Variants in ASTE1 observed in about 807,000 individuals in gnomAD.
ASTE1 encodes the protein asteroid structure-specific endonuclease 1, also known as single-strand DNA endonuclease ASTE1.
Under a neutral mutation model 45.8 loss-of-function variants are expected in ASTE1, and 49 were observed. That is an observed-to-expected ratio of 1.07 (90% CI 0.85 to 1.36). The LOEUF (loss-of-function observed/expected upper bound fraction) is 1.36, where lower values mean the gene tolerates loss of function less well. Among genes scored for constraint, ASTE1 ranks in the 40% most tolerant of loss-of-function variants. The pLI is 0.00. For missense variants in ASTE1, 709 were observed against 804.0 expected, an observed-to-expected ratio of 0.88 and a Z score of 1.43; for synonymous variants, 296 against 303.9, an observed-to-expected ratio of 0.97 and a Z score of 0.27.
rs766448689 is a variant in ASTE1, at chr3:131,024,074, AT to A, written c.1232del (p.Asn411IlefsTer10). 2 of 1,614,086 alleles carry A rather than the reference AT, an allele frequency of 1.2e-6. No individual in the cohort carries two copies. Among genetic ancestry groups the A allele is most frequent in the Non-Finnish European group, 1.7e-6 (2 of 1,179,898 alleles). On this transcript the variant is annotated frameshift_variant, in exon 3 of 6. Transcript: ENST00000264992. LOFTEE classifies it high-confidence loss of function. ...AFSEVERINKNIRTSIIDAVE... is the reference protein window; with the variant it reads ...AFSEVERINKXIRTSIIDAVE... ...CTGCATCAATGATTGAGGTTCTGATATTTTTATTAATCCTTTCCACTTCACT... is the reference window on the plus strand; with the variant it reads ...CTGCATCAATGATTGAGGTTCTGATATTTTATTAATCCTTTCCACTTCACT...
At chr3:131,021,555 C>T (rs976592769) in intron 3 of ASTE1, among the ~76,000 whole-genome samples, 1 of 152,154 alleles carries the variant, frequency 6.6e-6, no homozygotes, top group African/African-American at 2.4e-5. Context: ...TGGAACCAGA[C>T]ACTAGGAGAA....
At chr3:131,015,065 A>AT in intron 5 of ASTE1, 1 of 504,598 alleles carries the variant, frequency 2.0e-6, no homozygotes, top group Non-Finnish European at 3.5e-6. Flanking sequence ...TTAAATTATT[A>AT]AACGAAAGAA....
Position 131,014,084 on chromosome 3 carries a change from T to C in ASTE1, c.2013A>G (p.Glu671=), listed in dbSNP as rs1362061649. The C allele has an allele frequency of 6.3e-7, 1 of 1,598,064 alleles. No homozygotes were observed. The highest frequency in any genetic ancestry group is 8.5e-7 in the Non-Finnish European group (1 of 1,175,274). ...ATTCAATGTTGGAGGCCTCACTATG[T>C]TCCTCTAAGTTTTCAACCATTAACA... ...FGLLMVENLE[E]HSEASNIE The change falls in exon 6 of 6, where the codon GAA becomes GAG. Residue 671 remains glutamate, a synonymous_variant. Coordinates refer to ENST00000264992, the MANE Select transcript of ASTE1 (RefSeq NM_014065.4).
At position 131,016,366 on chromosome 3, in the gene ASTE1, G is replaced by A. The variant is rs772143118; in HGVS notation, c.1514-27C>T. The A allele has an allele frequency of 2.5e-6, 4 of 1,613,308 alleles. No individual in the cohort carries two copies. In the South Asian group the frequency reaches 3.3e-5, roughly 13 times the overall value. ...TAAATAAAGAAACAGCCCAAGGGCA[G>A]TATTTCTAAAAGCACTGTAACAGCT... On this transcript the variant is annotated intron_variant, in intron 4 of 5. Coordinates refer to ENST00000264992, the MANE Select transcript of ASTE1 (RefSeq NM_014065.4).
intron 4 of ASTE1, chr3:131,017,112 AG>A (rs2063658830): frequency 1.8e-6 from 2 of 1,133,462 alleles, no homozygotes; most frequent in African/African-American, 3.2e-5. Context: ...AAAACTTAAT[AG>A]GCTTGTGCTC....
chr3:131,018,387 G>GC (rs2063694598), intron 4 of ASTE1, 119 bp downstream of exon 4: 1 of 1,006,670 alleles, frequency 9.9e-7, no homozygotes, highest in African/African-American at 1.6e-5. Flanking sequence ...CCACATCTAA[G>GC]TTGTGATACA....
intron 5 of ASTE1, among the ~76,000 whole-genome samples, chr3:131,015,493 C>T (rs1426031246): frequency 6.6e-6 from 1 of 152,188 alleles, no homozygotes; most frequent in Non-Finnish European, 1.5e-5. Context: ...CACAGACAAA[C>T]ATTATAATTA....
At chr3:131,016,027 G>GT (rs749416372) in intron 5 of ASTE1, 117 bp downstream of exon 5, 1,129 of 1,221,494 alleles carry the variant, frequency 9.2e-4, no homozygotes, top group Admixed American at 1.2e-3. Flanking sequence ...ATTAAGATTA[G>GT]TTTTTTTTTG....
intron 3 of ASTE1, among the ~76,000 whole-genome samples, chr3:131,023,145 TA>T (rs1268238166): frequency 3.1e-4 from 47 of 152,318 alleles, no homozygotes; most frequent in Admixed American, 2.5e-3. Context: ...AGACCTGACT[TA>T]AATCCACTGG....
chr3:131,024,827 A>G lies in ASTE1; in HGVS notation c.480T>C (p.Asp160=). The G allele has an allele frequency of 6.2e-7, 1 of 1,614,220 alleles. No individual in the cohort carries two copies. Among genetic ancestry groups the G allele is most frequent in the East Asian group, 2.2e-5 (1 of 44,884 alleles). The stretch of plus-strand genomic sequence containing the variant: ...TCAGGTCAAAAATGCAAAAGTCACT[A>G]TCTGATGATAACACAGGGCAATTCC... ...NHWNCPVLSS[D]SDFCIFDLKT... Residue 160 remains aspartate, a synonymous_variant, in exon 3 of 6, where the codon GAT becomes GAC. Coordinates refer to ENST00000264992, the MANE Select transcript of ASTE1 (RefSeq NM_014065.4).
At chr3:131,018,832 T>G (rs2063705023) in intron 3 of ASTE1, 116 bp from the exon 4 acceptor site, 5 of 1,031,640 alleles carry the variant, frequency 4.8e-6, no homozygotes, top group Non-Finnish European at 5.6e-6. Context: ...GCTGTTAAAC[T>G]TATCTTCTTG....
In ASTE1 at chr3:131,025,026, T is replaced by A; in HGVS notation, c.281A>T (p.Asp94Val). 6.2e-7 allele frequency: 1 copy of A among 1,601,952 alleles called. No homozygotes were observed. The highest frequency in any genetic ancestry group is 8.5e-7 in the Non-Finnish European group (1 of 1,173,582). ...ISDKKLTTLK[D>V]RAREKIQMAH... ...CATCTGGATCTTCTCTCTAGCTCTA[T>A]CCTTTAAAGTTGTAAGCTTTTTATC... The change falls in exon 3 of 6, where the codon GAT becomes GTT. Residue 94 changes from aspartate to valine, a missense_variant. Coordinates refer to ENST00000264992, the MANE Select transcript of ASTE1 (RefSeq NM_014065.4).
rs776603269 is a variant in ASTE1, at chr3:131,018,507, A to G, written c.1512T>C (p.Pro504=). Residue 504 remains proline, a splice_region_variant and synonymous_variant, in exon 4 of 6, where the codon CCT becomes CCC. Transcript: ENST00000264992. Reference sequence around the variant, plus strand: ...CTCCTGTAATTTCCAGTTACCTACCAGGGCTGTTGATTATGGCAATCAAGG... The same window carrying G: ...CTCCTGTAATTTCCAGTTACCTACCGGGGCTGTTGATTATGGCAATCAAGG... The part of the protein sequence containing the change: ...VGPLIAIINS[P]GKEELQEDGA... The G allele has an allele frequency of 6.2e-6, 10 of 1,613,334 alleles. No individual in the cohort carries two copies. In the South Asian group the frequency reaches 1.1e-4, roughly 18 times the overall value.
chr3:131,014,760 A>AT (rs2063514065), intron 5 of ASTE1, among the ~76,000 whole-genome samples: 1 of 152,204 alleles, frequency 6.6e-6, no homozygotes, highest in African/African-American at 2.4e-5. Flanking sequence ...ATTTATTGGC[A>AT]TCATTTGCAA....
intron 5 of ASTE1, 63 bp downstream of exon 5, chr3:131,016,081 G>A (rs773878168): frequency 6.6e-7 from 1 of 1,507,168 alleles, no homozygotes. Flanking sequence ...TTAAATATAA[G>A]TGAAAATACT....
chr3:131,025,732 C>T (rs115704689), intron 1 of ASTE1, 138 bp from the exon 2 acceptor site: 2,075 of 155,166 alleles, frequency 0.013, 42 homozygotes, highest in African/African-American at 0.049. Context: ...AAGTCCTAAG[C>T]TAAAAAAAAG....
Position 131,024,432 on chromosome 3 carries a change from A to G in ASTE1, c.875T>C (p.Leu292Pro). ...TTGGTATTCTTCCATGGAACAGCAG[A>G]GAAGTTCCTTAACATTTTCTCGATC... ...KKDRENVKEL[L>P]CCSMEEYQQS... The change falls in exon 3 of 6, where the codon CTC (leucine) becomes CCC (proline). Residue 292 changes from leucine (L) to proline (P), a missense_variant. Physicochemically the swap from Leu to Pro is moderately conservative, Grantham distance 98. Coordinates refer to ENST00000264992, the MANE Select transcript of ASTE1 (RefSeq NM_014065.4). 6.2e-7 allele frequency: 1 copy of G among 1,614,212 alleles called. No homozygotes were observed. Among genetic ancestry groups the G allele is most frequent in the South Asian group, 1.1e-5 (1 of 91,090 alleles).
chr3:131,016,339 C>T lies in ASTE1; in HGVS notation c.1514G>A (p.Gly505Asp). The part of the protein sequence containing the change: ...GPLIAIINSP[G>D]KEELQEDGAK... ...ACCATCTTCCTGCAGCTCTTCCTTA[C>T]CTAAATAAAGAAACAGCCCAAGGGC... Residue 505 changes from glycine (G) to aspartate (D), a missense_variant and splice_region_variant, in exon 5 of 6, where the codon GGT becomes GAT. Gly to Asp is a moderately conservative substitution (Grantham distance 94). Coordinates refer to ENST00000264992, the MANE Select transcript of ASTE1 (RefSeq NM_014065.4). 1.2e-6 allele frequency: 2 copies of T among 1,614,120 alleles called. No individual in the cohort carries two copies. Among genetic ancestry groups the T allele is most frequent in the Non-Finnish European group, 8.5e-7 (1 of 1,180,018 alleles).
At position 131,025,444 on chromosome 3, in the gene ASTE1, A is replaced by G. The variant is rs1445438287; in HGVS notation, c.-26+30T>C. ...ATGTTATGAAGTGCTCTTTAGATAG[A>G]ACATAGATATCAACATCATAAATTC... On this transcript the variant is annotated intron_variant, in intron 2 of 5. Coordinates refer to ENST00000264992, the MANE Select transcript of ASTE1 (RefSeq NM_014065.4). The G allele has an allele frequency of 2.4e-5, 32 of 1,334,862 alleles. 1 individual carries two copies. The South Asian group carries it at 3.7e-4, about 15-fold the overall frequency. The allele number at this position is 1,334,862 out of a possible 1,614,324, so 82.7% of individuals were successfully genotyped here. A position where few individuals can be genotyped will look rare whatever the true frequency, so the allele number is the denominator to read the frequency against.
Sources: gnomAD v4.1 joint callset for allele counts (sites outside exome capture counted in the v4.1 genomes callset) on GRCh38, gnomAD v4.1.1 for gene constraint, MANE v1.5 for transcripts, NCBI Gene and HGNC (gene_info 2026-07-23, HGNC 2026-07-21) for gene names.